The following HSPA12A variants were observed in gnomAD, a reference collection of about 807,000 sequenced individuals.
HSPA12A encodes the protein heat shock protein family A (Hsp70) member 12A, also known as heat shock 70 kDa protein 12A.
A neutral mutation model predicts 69.2 loss-of-function variants in HSPA12A; 28 were observed. The observed-to-expected ratio is 0.40, with a 90% CI of 0.30 to 0.55. HSPA12A has a LOEUF of 0.55. HSPA12A is among the 20% of genes least tolerant of loss of function. HSPA12A has a pLI of 0.38. For synonymous variants in HSPA12A, 345 were observed against 370.5 expected (o/e 0.93, Z 0.79); for missense variants, 686 against 900.7 (o/e 0.76, Z 3.05).
intron 2 of HSPA12A, among the ~76,000 whole-genome samples, chr10:116,809,269 T>G (rs1184829596): frequency 6.6e-6 from 1 of 152,176 alleles, no homozygotes; most frequent in African/African-American, 2.4e-5. Flanking sequence ...CCACTGAGGC[T>G]ACTCATGACT....
intron 4 of HSPA12A, among the ~76,000 whole-genome samples, chr10:116,700,131 G>A (rs996960193): frequency 6.6e-6 from 1 of 152,222 alleles, no homozygotes; most frequent in African/African-American, 2.4e-5. Context: ...AAGGCAGGGA[G>A]GGGTTACATA....
chr10:116,746,512 T>A (rs1851652774), upstream of HSPA12A, among the ~76,000 whole-genome samples: 1 of 152,150 alleles, frequency 6.6e-6, no homozygotes, highest in African/African-American at 2.4e-5. Flanking sequence ...GGACCAGGGC[T>A]CAAGTGGGCT....
intron 2 of HSPA12A, among the ~76,000 whole-genome samples, chr10:116,806,620 G>A (rs61361628): frequency 0.021 from 3,155 of 152,258 alleles, 110 homozygotes; most frequent in African/African-American, 0.071. Context: ...GGTAAAATGT[G>A]CAGCCCCACG....
chr10:116,701,379 A>T (rs967676772), intron 3 of HSPA12A, among the ~76,000 whole-genome samples: 1 of 152,104 alleles, frequency 6.6e-6, no homozygotes, highest in African/African-American at 2.4e-5. Context: ...CTGAGCATCT[A>T]CTCTAAGCAT....
intron 2 of HSPA12A, among the ~76,000 whole-genome samples, chr10:116,792,613 CAAAAAAAAA>C (rs56344323): frequency 1.9e-5 from 2 of 108,022 alleles, no homozygotes; most frequent in Non-Finnish European, 3.6e-5. Flanking sequence ...CTTGCATCTA[CAAAAAAAAA>C]AAAAAAAAAA....
chr10:116,700,706 G>A (rs377504752), intron 4 of HSPA12A, among the ~76,000 whole-genome samples: 1 of 152,178 alleles, frequency 6.6e-6, no homozygotes. Context: ...CAAACGAGTT[G>A]TTAAATATTC....
intron 2 of HSPA12A, among the ~76,000 whole-genome samples, chr10:116,826,295 C>T (rs1359240230): frequency 6.6e-6 from 1 of 152,236 alleles, no homozygotes; most frequent in East Asian, 1.9e-4. Context: ...TCTGAGAACC[C>T]TGATAAATTA....
chr10:116,772,052 G>A (rs1410412185), intron 2 of HSPA12A, among the ~76,000 whole-genome samples: 2 of 152,230 alleles, frequency 1.3e-5, no homozygotes, highest in African/African-American at 4.8e-5. Context: ...GCAGGACGAG[G>A]CTGGATGCCA....
chr10:116,673,703 T>A lies in HSPA12A; in HGVS notation c.*1078A>T, dbSNP rs1345047078. On this transcript the variant is annotated 3_prime_UTR_variant, in exon 12 of 12. Transcript: ENST00000369209. The stretch of plus-strand genomic sequence containing the variant: ...ATCAAGTATAGATCTACAAATTATT[T>A]TTAGAGAGACTTGAAAAACTGAAGA... 1 of 152,174 alleles carries A rather than the reference T, an allele frequency of 6.6e-6. No homozygotes were observed. Among genetic ancestry groups the A allele is most frequent in the Non-Finnish European group, 1.5e-5 (1 of 68,026 alleles). The allele number at this position is 152,174 out of a possible 1,614,324, so 9.4% of individuals were successfully genotyped here. A position where few individuals can be genotyped will look rare whatever the true frequency, so the allele number is the denominator to read the frequency against.
chr10:116,792,617 A>C (rs1302893889), intron 2 of HSPA12A, among the ~76,000 whole-genome samples: 2 of 11,078 alleles, frequency 1.8e-4, no homozygotes, highest in Non-Finnish European at 1.8e-3. Context: ...CATCTACAAA[A>C]AAAAAAAAAA....
chr10:116,806,733 G>A (rs1292388383), intron 2 of HSPA12A, among the ~76,000 whole-genome samples: 1 of 152,214 alleles, frequency 6.6e-6, no homozygotes, highest in Non-Finnish European at 1.5e-5. Context: ...TTGGGAGACA[G>A]AAGGTTCCCT....
intron 1 of HSPA12A, among the ~76,000 whole-genome samples, chr10:116,727,935 G>T (rs1177605806): frequency 6.6e-6 from 1 of 151,222 alleles, no homozygotes; most frequent in African/African-American, 2.4e-5. Flanking sequence ...TTTTTTTGGG[G>T]GGGGGACAGA....
At chr10:116,849,529 C>G (rs1259952284) in intron 1 of HSPA12A, 17 of 1,472,740 alleles carry the variant, frequency 1.2e-5, no homozygotes, top group Non-Finnish European at 1.5e-5. Context: ...CTCGTGGGAC[C>G]CCAGGCTAAA....
exon 1 of HSPA12A, chr10:116,849,630 C>G (rs751004430): frequency 6.5e-7 from 1 of 1,550,200 alleles, no homozygotes; most frequent in Non-Finnish European, 8.7e-7. Flanking sequence ...GCTGAAGCAG[C>G]AGGCGATGGA....
At chr10:116,719,013 A>G (rs1351164155) in intron 1 of HSPA12A, among the ~76,000 whole-genome samples, 1 of 152,150 alleles carries the variant, frequency 6.6e-6, no homozygotes, top group Admixed American at 6.5e-5. Context: ...TGCAGTGGCC[A>G]TGGACCTCAG....
At chr10:116,815,627 T>C (rs1845289364) in intron 2 of HSPA12A, among the ~76,000 whole-genome samples, 1 of 152,058 alleles carries the variant, frequency 6.6e-6, no homozygotes, top group African/African-American at 2.4e-5. Flanking sequence ...AGGAAGGAAC[T>C]AGGAAACTGC....
At chr10:116,683,321 C>G (rs1554878978) in intron 7 of HSPA12A, 1 of 152,384 alleles carries the variant, frequency 6.6e-6, no homozygotes, top group Admixed American at 6.5e-5. Context: ...GCTAAGCGAG[C>G]GTCACCTAGG....
intron 2 of HSPA12A, chr10:116,750,019 T>G: frequency 4.2e-6 from 1 of 237,874 alleles, no homozygotes; most frequent in African/African-American, 2.2e-5. Flanking sequence ...CAATACAGGA[T>G]AAAAATAAGT....
At chr10:116,829,144 T>C (rs930364847) in intron 2 of HSPA12A, 2 of 152,112 alleles carry the variant, frequency 1.3e-5, no homozygotes, top group Non-Finnish European at 2.9e-5. Context: ...AATTGAATCA[T>C]GGGGGCAGTT....
Sources: allele counts gnomAD v4.1 joint callset (sites outside exome capture counted in the v4.1 genomes callset), GRCh38; gene constraint gnomAD v4.1.1; transcripts MANE v1.5; gene names NCBI Gene and HGNC (gene_info 2026-07-23, HGNC 2026-07-21).